Variants in CDHR2 observed in about 807,000 individuals in gnomAD.
The protein encoded by CDHR2 is cadherin related family member 2.
In CDHR2, 104 loss-of-function variants were observed where a neutral mutation model predicts 138.6. The ratio of observed to expected loss-of-function variants is 0.75; its 90% confidence interval spans 0.64 to 0.88. CDHR2 has a LOEUF of 0.88. Ranked by LOEUF, CDHR2 falls within the 40% of genes least tolerant of loss-of-function variation. The pLI is 0.00. For missense variants in CDHR2, 1,624 were observed against 1,727.6 expected, an observed-to-expected ratio of 0.94 and a Z score of 1.06; for synonymous variants, 755 against 742.8, an observed-to-expected ratio of 1.02 and a Z score of -0.27.
Position 176,584,756 on chromosome 5 carries a change from C to A in CDHR2, c.2475C>A (p.His825Gln), listed in dbSNP as rs180931810. The A allele has an allele frequency of 1.2e-6, 2 of 1,614,202 alleles. No individual in the cohort carries two copies. The highest frequency in any genetic ancestry group is 2.2e-5 in the East Asian group (1 of 44,890). The part of the protein sequence containing the change: ...GIRVAENGSQ[H>Q]GQVAVVVASD... ...GTGTGGCTGAGAATGGCTCACAGCA[C>A]GGCCAGGTGGCTGTGGTGGTTGCCT... The change falls in exon 19 of 32, where the codon CAC becomes CAA. Residue 825 changes from histidine to glutamine, a missense_variant. Around this residue, in one of 3 missense-constraint regions of CDHR2, gnomAD observed 1,061 missense variants for 1,136.6 expected, o/e 0.93. Transcript: ENST00000261944.
At chr5:176,566,479 A>T (rs1758083652) in intron 3 of CDHR2, among the ~76,000 whole-genome samples, 2 of 152,118 alleles carry the variant, frequency 1.3e-5, no homozygotes, top group Admixed American at 1.3e-4. Flanking sequence ...GTTGGTTGGG[A>T]CCCCAAATAA....
Position 176,575,193 on chromosome 5 carries a change from T to A in CDHR2, c.605T>A (p.Leu202Gln). Reference sequence around the variant, plus strand: ...AACAACAAGAGCGCTTTCTACCAGCTGGAGCTGAAGGCCTGTGTGAGTGGG... The same window carrying A: ...AACAACAAGAGCGCTTTCTACCAGCAGGAGCTGAAGGCCTGTGTGAGTGGG... The part of the protein sequence containing the change: ...SYNNKSAFYQ[L>Q]ELKACDLGGM... Residue 202 changes from leucine (L) to glutamine (Q), a missense_variant, in exon 8 of 32, where the codon CTG (leucine) becomes CAG (glutamine). Physicochemically the swap from Leu to Gln is moderately radical, Grantham distance 113. Transcript: ENST00000261944. 3 of 1,614,198 alleles carry A rather than the reference T, an allele frequency of 1.9e-6. No homozygotes were observed. The highest frequency in any genetic ancestry group is 2.5e-6 in the Non-Finnish European group (3 of 1,180,042).
chr5:176,592,083 GGTGGTGGTGGTGA>G (rs1561883332), intron 30 of CDHR2, among the ~76,000 whole-genome samples: 1,369 of 117,580 alleles, frequency 0.012, no homozygotes, highest in African/African-American at 0.036. Context: ...CAGTTATCGT[GGTGGTGGTGGTGA>G]TGGTGGTGGT....
chr5:176,573,375 C>T (rs1330482066), intron 6 of CDHR2, among the ~76,000 whole-genome samples: 2 of 152,098 alleles, frequency 1.3e-5, no homozygotes, highest in African/African-American at 2.4e-5. Context: ...CACGGTGGCT[C>T]ACACCTATAA....
intron 3 of CDHR2, among the ~76,000 whole-genome samples, chr5:176,568,148 G>T (rs1758126301): frequency 6.6e-6 from 1 of 152,346 alleles, no homozygotes; most frequent in South Asian, 2.1e-4. Flanking sequence ...TCAGGGATAG[G>T]GTGGGTTTGA....
intron 3 of CDHR2, chr5:176,566,934 C>G (rs1166302475): frequency 2.2e-6 from 1 of 456,250 alleles, no homozygotes; most frequent in Admixed American, 2.3e-5. Flanking sequence ...CAAGCCACAG[C>G]CTTTGTTGCA....
chr5:176,543,209 T>C lies in CDHR2; in HGVS notation c.-16+440T>C, dbSNP rs1322892921. Among the ~76,000 whole-genome samples the C allele has an allele frequency of 2.0e-5, 3 of 147,486 alleles. No homozygotes were observed. Among genetic ancestry groups the C allele is most frequent in the African/African-American group, 7.4e-5 (3 of 40,650 alleles). On this transcript the variant is annotated intron_variant, in intron 1 of 31. Coordinates refer to the CDHR2 transcript ENST00000510636. This position sits in a 1 kb window ranked among gnomAD's most constrained non-coding sequence, Gnocchi z 4.0. ...GCGGCCGCCCCCTACCGCCGCGTGC[T>C]CGCCGGCCCTGCGCCCGGGGCGCTC... is the stretch of plus-strand genomic sequence containing the variant.
Position 176,576,258 on chromosome 5 carries a change from G to A in CDHR2, c.1194+73G>A. 1 of 1,218,926 alleles carries A rather than the reference G, an allele frequency of 8.2e-7. No homozygotes were observed. Among genetic ancestry groups the A allele is most frequent in the Non-Finnish European group, 1.2e-6 (1 of 858,874 alleles). 75.5% of individuals were successfully genotyped at this position (1,218,926 alleles called of 1,614,324 possible). On this transcript the variant is annotated intron_variant, in intron 12 of 31. Coordinates refer to ENST00000261944, the MANE Select transcript of CDHR2 (RefSeq NM_017675.6). This position sits in a 1 kb window ranked among gnomAD's most constrained non-coding sequence, Gnocchi z 4.5. ...GTGGGAGCCTGGATCGAGTGACGGT[G>A]TCATGTGGTGCTGGGTGGCGGTGCT...
intron 16 of CDHR2, among the ~76,000 whole-genome samples, chr5:176,580,158 T>TCACACACA (rs879500557): frequency 6.1e-5 from 9 of 146,518 alleles, no homozygotes; most frequent in Admixed American, 1.3e-4. Context: ...ACACACACAC[T>TCACACACA]CACACACGCA....
chr5:176,573,064 C>A (rs1581139584), intron 6 of CDHR2, among the ~76,000 whole-genome samples: 1 of 152,096 alleles, frequency 6.6e-6, no homozygotes, highest in African/African-American at 2.4e-5. Context: ...AACAGAGAGA[C>A]CTGAATGGCA....
chr5:176,576,330 C>A lies in CDHR2; in HGVS notation c.1194+145C>A. 1.5e-6 allele frequency: 1 copy of A among 674,304 alleles called. No individual in the cohort carries two copies. The highest frequency in any genetic ancestry group is 2.6e-6 in the Non-Finnish European group (1 of 389,918). 41.8% of individuals were successfully genotyped at this position (674,304 alleles called of 1,614,324 possible). A position where few individuals can be genotyped will look rare whatever the true frequency, so the allele number is the denominator to read the frequency against. ...GGAGAATGGGGGTGCTGGGTGCTCT[C>A]TGGAAGCCTGTGTTGGTAAGCAGTA... On this transcript the variant is annotated intron_variant, in intron 12 of 31. Coordinates refer to ENST00000261944, the MANE Select transcript of CDHR2 (RefSeq NM_017675.6). This position sits in a 1 kb window ranked among gnomAD's most constrained non-coding sequence, Gnocchi z 4.5.
Position 176,554,135 on chromosome 5 carries a change from C to T in CDHR2, c.-16+4721C>T, listed in dbSNP as rs559654754. On this transcript the variant is annotated intron_variant, in intron 1 of 31. Transcript: ENST00000261944. ...CAGCTGTCATCTCCGGGGTTCTTGG[C>T]AAGCCAGCATTTTCCACAGCAACTT... 2.0e-4 allele frequency among the ~76,000 whole-genome samples: 30 copies of T among 152,342 alleles called. 2 individuals are homozygous for T. Among genetic ancestry groups the T allele is most frequent in the Admixed American group, 1.9e-3 (29 of 15,302 alleles).
chr5:176,580,760 C>T (rs1474186345), intron 16 of CDHR2, among the ~76,000 whole-genome samples: 1 of 151,906 alleles, frequency 6.6e-6, no homozygotes, highest in African/African-American at 2.4e-5. Context: ...GCCTGTAATC[C>T]CAGCTACTTA....
intron 19 of CDHR2, among the ~76,000 whole-genome samples, chr5:176,585,572 A>C (rs1758638850): frequency 6.6e-6 from 1 of 152,132 alleles, no homozygotes; most frequent in African/African-American, 2.4e-5. Context: ...TGTCAGTATA[A>C]TGTCATAGGT....
chr5:176,565,850 T>A, intron 3 of CDHR2, 107 bp downstream of exon 3: 1 of 805,664 alleles, frequency 1.2e-6, no homozygotes, highest in Non-Finnish European at 2.0e-6. Flanking sequence ...TGGCTTATTG[T>A]GGGACAAAGA....
intron 1 of CDHR2, among the ~76,000 whole-genome samples, chr5:176,561,806 A>G (rs1757974663): frequency 2.0e-5 from 3 of 151,940 alleles, no homozygotes; most frequent in South Asian, 2.1e-4. Flanking sequence ...CGCCCGGCTA[A>G]TTTTTGTATT....
intron 11 of CDHR2, 51 bp downstream of exon 11, chr5:176,575,890 G>C: frequency 6.4e-7 from 1 of 1,558,556 alleles, no homozygotes; most frequent in Non-Finnish European, 8.7e-7. Context: ...CTAACCTCTG[G>C]CCTTTGATCT....
At chr5:176,583,365 C>A (rs571589197) in intron 17 of CDHR2, among the ~76,000 whole-genome samples, 2 of 152,330 alleles carry the variant, frequency 1.3e-5, no homozygotes, top group East Asian at 1.9e-4. Flanking sequence ...CCAATGATGT[C>A]ATCGCTGGGA....
chr5:176,555,815 C>T (rs185214741), intron 1 of CDHR2, among the ~76,000 whole-genome samples: 1 of 152,038 alleles, frequency 6.6e-6, no homozygotes, highest in Non-Finnish European at 1.5e-5. Context: ...GCAGCAGACT[C>T]GGTTGAACCC....
Sources: allele counts gnomAD v4.1 joint callset (sites outside exome capture counted in the v4.1 genomes callset), GRCh38; gene constraint gnomAD v4.1.1; regional missense constraint gnomAD v4.1.1; non-coding constraint Gnocchi (gnomAD v3.1); transcripts MANE v1.5; gene names NCBI Gene and HGNC (gene_info 2026-07-23, HGNC 2026-07-21).